The following PHLDB2 variants were observed in gnomAD, a reference collection of about 807,000 sequenced individuals.
PHLDB2 encodes pleckstrin homology like domain family B member 2, also known as pleckstrin homology-like domain family B member 2.
PHLDB2 carries 71 observed loss-of-function variants against 123.6 expected under a neutral mutation model. That is an observed-to-expected ratio of 0.57 (90% CI 0.47 to 0.70). PHLDB2 has a LOEUF of 0.70. PHLDB2 is among the 30% of genes least tolerant of loss of function. PHLDB2 has a pLI of 0.00. For synonymous variants in PHLDB2, 547 were observed against 541.6 expected (o/e 1.01, Z -0.14); for missense variants, 1,446 against 1,519.5 (o/e 0.95, Z 0.80).
chr3:111,816,266 C>G (rs1396690272), intron 1 of PHLDB2, among the ~76,000 whole-genome samples: 1 of 152,164 alleles, frequency 6.6e-6, no homozygotes, highest in African/African-American at 2.4e-5. Context: ...GGGCTACCAT[C>G]CTGCAGACCC....
intron 14 of PHLDB2, among the ~76,000 whole-genome samples, chr3:111,967,218 C>T (rs2071835960): frequency 6.6e-6 from 1 of 152,220 alleles, no homozygotes. Flanking sequence ...CCTTTTCTAA[C>T]TTCCCCACGT....
At chr3:111,921,769 A>AT (rs747112314) in intron 5 of PHLDB2, among the ~76,000 whole-genome samples, 8 of 151,994 alleles carry the variant, frequency 5.3e-5, no homozygotes, top group Non-Finnish European at 1.2e-4. Flanking sequence ...CACCCGGCTA[A>AT]TTTTTTGTAT....
intron 1 of PHLDB2, among the ~76,000 whole-genome samples, chr3:111,787,900 T>C (rs943604625): frequency 1.3e-5 from 2 of 152,238 alleles, no homozygotes; most frequent in Non-Finnish European, 2.9e-5. Flanking sequence ...ACTTAGACTT[T>C]GTAGTCCGCC....
chr3:111,754,126 G>A (rs1262768694), intron 1 of PHLDB2, among the ~76,000 whole-genome samples: 5 of 151,958 alleles, frequency 3.3e-5, no homozygotes, highest in African/African-American at 7.2e-5. Flanking sequence ...TTGACTTGGC[G>A]ATGTGGGCTC....
At chr3:111,948,695 C>T (rs148226707) in intron 9 of PHLDB2, among the ~76,000 whole-genome samples, 103 of 152,244 alleles carry the variant, frequency 6.8e-4, no homozygotes, top group African/African-American at 2.3e-3. Flanking sequence ...ATTTATACTA[C>T]AGTTATCTTG....
intron 1 of PHLDB2, among the ~76,000 whole-genome samples, chr3:111,792,139 T>C (rs951772936): frequency 2.0e-5 from 3 of 152,240 alleles, no homozygotes; most frequent in African/African-American, 7.2e-5. Context: ...TGTTGATTAC[T>C]GTCTTTTTGC....
chr3:111,739,571 G>T (rs34576811), intron 1 of PHLDB2, among the ~76,000 whole-genome samples: 47,076 of 116,054 alleles, frequency 0.41, 8,804 homozygotes, highest in African/African-American at 0.57. Flanking sequence ...CTCTTCTGAA[G>T]TTAAAAAAAA....
At chr3:111,779,835 T>TA in intron 1 of PHLDB2, 1 of 983,168 alleles carries the variant, frequency 1.0e-6, no homozygotes, top group African/African-American at 1.7e-5. Flanking sequence ...GCTACACAGG[T>TA]CTCTGGCCAT....
At chr3:111,749,349 A>G (rs2059732097) in intron 1 of PHLDB2, among the ~76,000 whole-genome samples, 1 of 152,190 alleles carries the variant, frequency 6.6e-6, no homozygotes, top group African/African-American at 2.4e-5. Context: ...AAACAAAGAC[A>G]TCCATTTTAG....
intron 1 of PHLDB2, among the ~76,000 whole-genome samples, chr3:111,788,047 A>G (rs1012809618): frequency 5.3e-5 from 8 of 152,190 alleles, no homozygotes; most frequent in Admixed American, 2.0e-4. Context: ...GGCCATAAAT[A>G]GTCTTCTCAC....
chr3:111,782,347 T>C (rs753497015), intron 1 of PHLDB2, among the ~76,000 whole-genome samples: 39 of 152,190 alleles, frequency 2.6e-4, no homozygotes, highest in Admixed American at 8.5e-4. Context: ...AGTCTCATAG[T>C]TCAGTGCTCT....
intron 1 of PHLDB2, among the ~76,000 whole-genome samples, chr3:111,860,167 G>A (rs554011186): frequency 2.0e-5 from 3 of 152,308 alleles, no homozygotes; most frequent in African/African-American, 7.2e-5. Context: ...TGGAGAGAGG[G>A]ATGGGGATCC....
At position 111,865,672 on chromosome 3, in the gene PHLDB2, C is replaced by T. The variant is rs533282883; in HGVS notation, c.-15+6096C>T. 2.8e-4 allele frequency among the ~76,000 whole-genome samples: 42 copies of T among 152,016 alleles called. No individual in the cohort carries two copies. The South Asian group carries it at 3.7e-3, about 14-fold the overall frequency. On this transcript the variant is annotated intron_variant, in intron 1 of 17. Transcript: ENST00000431670. Reference sequence around the variant, plus strand: ...TAAGATGGATCTTCTGACTTGCTTCCCTGGCAGCCTATCCAGTGTTCTTTC... The same window carrying T: ...TAAGATGGATCTTCTGACTTGCTTCTCTGGCAGCCTATCCAGTGTTCTTTC...
chr3:111,782,105 G>A (rs2060497012), intron 1 of PHLDB2, among the ~76,000 whole-genome samples: 1 of 152,064 alleles, frequency 6.6e-6, no homozygotes, highest in African/African-American at 2.4e-5. Context: ...TATGGAGATA[G>A]GATGTAATAG....
At chr3:111,778,345 A>G (rs1447594568) in intron 1 of PHLDB2, 1 of 152,092 alleles carries the variant, frequency 6.6e-6, no homozygotes. Flanking sequence ...GGAGAGAAGC[A>G]TGGAATGGAT....
intron 1 of PHLDB2, among the ~76,000 whole-genome samples, chr3:111,752,244 G>GTGTGTC (rs2059791472): frequency 7.0e-6 from 1 of 143,296 alleles, no homozygotes. Flanking sequence ...GTGTGTGTCT[G>GTGTGTC]TGTCTGTGTG....
chr3:111,814,320 C>T (rs1032977608), intron 1 of PHLDB2, among the ~76,000 whole-genome samples: 1 of 152,046 alleles, frequency 6.6e-6, no homozygotes, highest in Non-Finnish European at 1.5e-5. Flanking sequence ...GAAAGACTAA[C>T]AGCCTCCCAG....
At chr3:111,791,833 A>G (rs2060941323) in intron 1 of PHLDB2, among the ~76,000 whole-genome samples, 1 of 152,140 alleles carries the variant, frequency 6.6e-6, no homozygotes, top group African/African-American at 2.4e-5. Flanking sequence ...AACATTTGAA[A>G]TCTTCTTTTC....
Position 111,952,686 on chromosome 3 carries a change from A to G in PHLDB2, c.2746A>G (p.Thr916Ala), listed in dbSNP as rs2107637246. ...CATCTCCCCACATTTCAGCAGTGCTACTATGGGGAGAAGCATCACCCCAAA... is the reference window on the plus strand; with the variant it reads ...CATCTCCCCACATTTCAGCAGTGCTGCTATGGGGAGAAGCATCACCCCAAA... ...SSISPHFSSA[T>A]MGRSITPKAH... The change falls in exon 11 of 18, where the codon ACT becomes GCT. Residue 916 changes from threonine (T) to alanine (A), a missense_variant. This residue lies in a region of PHLDB2 where 594 missense variants were observed against 646.0 expected (regional missense o/e 0.92). Coordinates refer to ENST00000431670, the MANE Select transcript of PHLDB2 (RefSeq NM_001134438.2). 1 of 1,613,706 alleles carries G rather than the reference A, an allele frequency of 6.2e-7. No individual in the cohort carries two copies. The highest frequency in any genetic ancestry group is 8.5e-7 in the Non-Finnish European group (1 of 1,179,838).
Sources: allele counts gnomAD v4.1 joint callset (sites outside exome capture counted in the v4.1 genomes callset), GRCh38; gene constraint gnomAD v4.1.1; regional missense constraint gnomAD v4.1.1; transcripts MANE v1.5; gene names NCBI Gene and HGNC (gene_info 2026-07-23, HGNC 2026-07-21).